Variants in CTNNA3 observed in about 807,000 individuals in gnomAD.
The protein encoded by CTNNA3 is catenin alpha-3.
CTNNA3 carries 76 observed loss-of-function variants against 95.7 expected under a neutral mutation model. The ratio of observed to expected loss-of-function variants is 0.79; its 90% CI spans 0.66 to 0.96. The LOEUF (loss-of-function observed/expected upper bound fraction) is 0.96. CTNNA3 is among the 40% of genes least tolerant of loss of function. The pLI is 0.00. For synonymous variants in CTNNA3, 431 were observed against 374.4 expected (o/e 1.15, Z -1.74); for missense variants, 1,191 against 1,089.8 (o/e 1.09, Z -1.31).
chr10:66,623,533 T>A (rs1381660241), intron 9 of CTNNA3, among the ~76,000 whole-genome samples: 1 of 152,152 alleles, frequency 6.6e-6, no homozygotes, highest in African/African-American at 2.4e-5. Context: ...TGTGTTTATA[T>A]TAGCAGAATT....
intron 5 of CTNNA3, among the ~76,000 whole-genome samples, chr10:67,325,898 A>T (rs183010315): frequency 6.6e-5 from 10 of 152,236 alleles, no homozygotes; most frequent in Non-Finnish European, 1.5e-4. Context: ...AACTTAGTTT[A>T]TGAATCTGGG....
At chr10:66,439,772 T>C (rs527353930) in intron 11 of CTNNA3, among the ~76,000 whole-genome samples, 4 of 152,214 alleles carry the variant, frequency 2.6e-5, no homozygotes, top group East Asian at 1.9e-4. Context: ...AGTTCATCAA[T>C]ATGTTACACT....
chr10:67,088,608 T>A (rs1254886910), intron 7 of CTNNA3, among the ~76,000 whole-genome samples: 1 of 152,036 alleles, frequency 6.6e-6, no homozygotes, highest in African/African-American at 2.4e-5. Flanking sequence ...TTTTCCTTAC[T>A]CTAAATGCAT....
rs578041965 is a variant in CTNNA3 at position 67,057,080 on chromosome 10, G to A, written c.1047+123237C>T. Among the ~76,000 whole-genome samples, 204 of 152,232 alleles carry A rather than the reference G, an allele frequency of 1.3e-3. 1 individual carries two copies. The highest frequency in any genetic ancestry group is 4.6e-3 in the African/African-American group (192 of 41,546). On this transcript the variant is annotated intron_variant, in intron 7 of 17. Transcript: ENST00000433211. ...ATTGGCTTCTTCTCTAGTCTAATTG[G>A]TTAGAAAAGTTAGCTGATCTAAAAC...
intron 7 of CTNNA3, among the ~76,000 whole-genome samples, chr10:66,827,392 C>T (rs1842554506): frequency 6.6e-6 from 1 of 152,190 alleles, no homozygotes; most frequent in Non-Finnish European, 1.5e-5. Flanking sequence ...ATCTCTTCCA[C>T]TCAAATCATT....
intron 12 of CTNNA3, among the ~76,000 whole-genome samples, chr10:66,352,011 T>C (rs72802869): frequency 0.061 from 9,256 of 152,014 alleles, 450 homozygotes; most frequent in East Asian, 0.1. Context: ...TTAAGAGTCA[T>C]GAAGTAAGTA....
At chr10:66,944,229 T>C (rs1389940251) in intron 7 of CTNNA3, among the ~76,000 whole-genome samples, 2 of 152,224 alleles carry the variant, frequency 1.3e-5, no homozygotes, top group Non-Finnish European at 2.9e-5. Context: ...TTCTAAATCA[T>C]TTGTTATTAT....
At chr10:67,399,210 A>T (rs1411207210) in intron 5 of CTNNA3, among the ~76,000 whole-genome samples, 1 of 152,106 alleles carries the variant, frequency 6.6e-6, no homozygotes, top group African/African-American at 2.4e-5. Flanking sequence ...TTTATTTTTT[A>T]AAATCTACAT....
intron 11 of CTNNA3, among the ~76,000 whole-genome samples, chr10:66,453,034 T>C (rs1391211679): frequency 6.7e-6 from 1 of 148,662 alleles, no homozygotes; most frequent in African/African-American, 2.5e-5. Flanking sequence ...GCTAACACGG[T>C]GAAACCTTGT....
chr10:67,726,626 T>TATAA (rs1564841363), intron 1 of CTNNA3, among the ~76,000 whole-genome samples: 7 of 4,904 alleles, frequency 1.4e-3, no homozygotes, highest in African/African-American at 2.2e-3. Flanking sequence ...ATAATATATA[T>TATAA]TATATTATAT....
chr10:66,323,294 T>C (rs77759334), intron 12 of CTNNA3, among the ~76,000 whole-genome samples: 1,661 of 152,110 alleles, frequency 0.011, 29 homozygotes, highest in African/African-American at 0.038. Flanking sequence ...GTATTTAATA[T>C]ATTTTTTTAA....
intron 2 of CTNNA3, among the ~76,000 whole-genome samples, chr10:67,620,923 G>GTGTGTATATATATA (rs1402402526): frequency 4.0e-5 from 5 of 123,854 alleles, no homozygotes; most frequent in East Asian, 2.2e-4. Flanking sequence ...GTGTGTGTGT[G>GTGTGTATATATATA]TATATATATA....
At chr10:66,221,354 G>C (rs892684629) in intron 13 of CTNNA3, among the ~76,000 whole-genome samples, 4 of 152,176 alleles carry the variant, frequency 2.6e-5, no homozygotes, top group African/African-American at 9.7e-5. Flanking sequence ...TCATAAACAA[G>C]CATTCTGATT....
intron 1 of CTNNA3, among the ~76,000 whole-genome samples, chr10:67,676,954 T>C (rs1840546903): frequency 1.3e-5 from 2 of 152,128 alleles, no homozygotes; most frequent in African/African-American, 4.8e-5. Flanking sequence ...TCTTTCTCAC[T>C]AGCAAATTTT....
chr10:67,197,798 G>A (rs1863446912), intron 6 of CTNNA3, among the ~76,000 whole-genome samples: 1 of 151,990 alleles, frequency 6.6e-6, no homozygotes, highest in Non-Finnish European at 1.5e-5. Context: ...TCATTTTCCA[G>A]TTAACTAGGG....
chr10:67,657,847 CAAA>C (rs200763142), intron 1 of CTNNA3, among the ~76,000 whole-genome samples: 6 of 40,420 alleles, frequency 1.5e-4, no homozygotes, highest in Non-Finnish European at 2.4e-4. Context: ...AATTCCATCT[CAAA>C]AAAAAAAAAA....
chr10:66,163,584 A>G (rs2133941374), intron 13 of CTNNA3, among the ~76,000 whole-genome samples: 1 of 152,244 alleles, frequency 6.6e-6, no homozygotes, highest in African/African-American at 2.4e-5. Flanking sequence ...TTGCAGGAGC[A>G]GTCTGCTTCC....
chr10:66,300,042 G>A (rs1589051422), intron 12 of CTNNA3, among the ~76,000 whole-genome samples: 1 of 151,970 alleles, frequency 6.6e-6, no homozygotes, highest in East Asian at 1.9e-4. Flanking sequence ...ACAGGTGCCT[G>A]CCACCATGCC....
chr10:66,929,124 G>A (rs919130570), intron 7 of CTNNA3, among the ~76,000 whole-genome samples: 3 of 152,178 alleles, frequency 2.0e-5, no homozygotes, highest in Non-Finnish European at 4.4e-5. Context: ...AAAATGTGAG[G>A]AGATGACAAA....
Sources: gnomAD v4.1 joint callset for allele counts (sites outside exome capture counted in the v4.1 genomes callset) on GRCh38, gnomAD v4.1.1 for gene constraint, MANE v1.5 for transcripts, NCBI Gene and HGNC (gene_info 2026-07-23, HGNC 2026-07-21) for gene names.